Variants in MAML2 observed in about 807,000 individuals in gnomAD.
MAML2 encodes mastermind-like protein 2.
A neutral mutation model predicts 96.1 loss-of-function variants in MAML2; 22 were observed. The observed-to-expected ratio is 0.23, with a 90% confidence interval of 0.16 to 0.33. MAML2 has a LOEUF of 0.33. Ranked by LOEUF, MAML2 falls within the 10% of genes least tolerant of loss-of-function variation. MAML2 has a pLI of 1.00. For synonymous variants in MAML2, 561 were observed against 521.3 expected (o/e 1.08, Z -1.04); for missense variants, 1,367 against 1,392.4 (o/e 0.98, Z 0.29).
chr11:95,985,462 A>G, intron 4 of MAML2, 69 bp downstream of exon 4: 1 of 831,124 alleles, frequency 1.2e-6, no homozygotes, highest in Non-Finnish European at 1.9e-6. Flanking sequence ...AGTTACAGGG[A>G]TTATTGAAAA....
intron 1 of MAML2, among the ~76,000 whole-genome samples, chr11:96,137,860 A>C (rs956625953): frequency 6.6e-6 from 1 of 152,228 alleles, no homozygotes; most frequent in Non-Finnish European, 1.5e-5. Flanking sequence ...ATTTTTTAAC[A>C]ATCTTTTTTA....
rs1050212741 is a variant in MAML2 at position 96,070,473 on chromosome 11, G to A, written c.2139+21419C>T. Among the ~76,000 whole-genome samples, 4 of 152,350 alleles carry A rather than the reference G, an allele frequency of 2.6e-5. No homozygotes were observed. The South Asian group carries it at 8.3e-4, about 32-fold the overall frequency. On this transcript the variant is annotated intron_variant, in intron 2 of 4. Transcript: ENST00000524717. ...CCCTCTTTGGGGTCCTGCGGTGCCT[G>A]TCATCTCCAAGCTTCTGGGCACCAC...
At chr11:96,233,255 C>T (rs2135956325) in intron 1 of MAML2, among the ~76,000 whole-genome samples, 1 of 152,174 alleles carries the variant, frequency 6.6e-6, no homozygotes, top group Admixed American at 6.5e-5. Context: ...TAAATAATTC[C>T]TAGTAAAAGA....
intron 1 of MAML2, among the ~76,000 whole-genome samples, chr11:96,334,395 T>A (rs1350046283): frequency 6.6e-6 from 1 of 152,142 alleles, no homozygotes; most frequent in Non-Finnish European, 1.5e-5. Context: ...TTACTATCAC[T>A]CCATTTCACA....
chr11:96,211,546 T>G (rs1861971799), intron 1 of MAML2, among the ~76,000 whole-genome samples: 1 of 151,478 alleles, frequency 6.6e-6, no homozygotes, highest in African/African-American at 2.4e-5. Context: ...AAAATAAGAA[T>G]GAAATACTGA....
intron 2 of MAML2, among the ~76,000 whole-genome samples, chr11:96,071,112 T>C (rs1362396929): frequency 1.3e-5 from 2 of 152,252 alleles, no homozygotes; most frequent in South Asian, 2.1e-4. Flanking sequence ...GTATTCCTAA[T>C]TTATTTTCAG....
At chr11:96,204,660 T>G (rs1022393039) in intron 1 of MAML2, among the ~76,000 whole-genome samples, 1 of 152,206 alleles carries the variant, frequency 6.6e-6, no homozygotes, top group Admixed American at 6.5e-5. Context: ...TTTTTGTTTT[T>G]GTTTTTTTAA....
chr11:96,199,235 C>T (rs1024150559), intron 1 of MAML2, among the ~76,000 whole-genome samples: 2 of 147,518 alleles, frequency 1.4e-5, no homozygotes, highest in African/African-American at 2.5e-5. Context: ...GAGGGGTAGT[C>T]CTTGTTGCTG....
At chr11:96,260,852 C>T (rs1862739850) in intron 1 of MAML2, among the ~76,000 whole-genome samples, 1 of 151,598 alleles carries the variant, frequency 6.6e-6, no homozygotes, top group South Asian at 2.1e-4. Context: ...AATGAGTAGC[C>T]ATCAACTCTT....
chr11:96,037,206 A>G (rs1565195971), intron 2 of MAML2, among the ~76,000 whole-genome samples: 1 of 146,828 alleles, frequency 6.8e-6, no homozygotes, highest in Non-Finnish European at 1.5e-5. Flanking sequence ...CAACAACAAC[A>G]AAAAAAATAA....
intron 1 of MAML2, among the ~76,000 whole-genome samples, chr11:96,304,864 A>T (rs1863442675): frequency 6.6e-6 from 1 of 152,228 alleles, no homozygotes; most frequent in Non-Finnish European, 1.5e-5. Flanking sequence ...ATGCTATGTT[A>T]TGCTGTTTAT....
chr11:96,193,135 G>A (rs1861679613), intron 1 of MAML2, among the ~76,000 whole-genome samples: 1 of 152,190 alleles, frequency 6.6e-6, no homozygotes, highest in African/African-American at 2.4e-5. Context: ...TTGGGAGGCT[G>A]AGGTGGGCGG....
At chr11:96,199,196 C>CAAAAAA (rs71459791) in intron 1 of MAML2, among the ~76,000 whole-genome samples, 15 of 58,614 alleles carry the variant, frequency 2.6e-4, no homozygotes, top group African/African-American at 8.8e-4. Flanking sequence ...GCCTCCGTCT[C>CAAAAAA]AAAAAAAAAA....
At chr11:96,133,799 AC>A (rs1348204324) in intron 1 of MAML2, among the ~76,000 whole-genome samples, 1 of 151,974 alleles carries the variant, frequency 6.6e-6, no homozygotes, top group Non-Finnish European at 1.5e-5. Context: ...TTTGAGACCA[AC>A]CTGGGCAACA....
At chr11:96,285,329 A>G (rs1863124099) in intron 1 of MAML2, among the ~76,000 whole-genome samples, 1 of 152,212 alleles carries the variant, frequency 6.6e-6, no homozygotes, top group African/African-American at 2.4e-5. Flanking sequence ...AAAAAGTAAG[A>G]TGGATTAAAG....
rs138276475 is a variant in MAML2, at chr11:96,218,136, T to A, written c.513+123247A>T. On this transcript the variant is annotated intron_variant, in intron 1 of 4. Coordinates refer to ENST00000524717, the MANE Select transcript of MAML2 (RefSeq NM_032427.4). The stretch of plus-strand genomic sequence containing the variant: ...TCGAGGTACTTGTACTAATTCCAAG[T>A]TGCTTTGAAAAATGCACTAGAAAAA... Among the ~76,000 whole-genome samples the A allele has an allele frequency of 2.0e-4, 30 of 152,378 alleles. 1 individual carries two copies. The highest frequency in any genetic ancestry group is 1.7e-3 in the Admixed American group (26 of 15,306).
chr11:96,087,414 A>G (rs1463697393), intron 2 of MAML2, among the ~76,000 whole-genome samples: 3 of 152,216 alleles, frequency 2.0e-5, no homozygotes, highest in Non-Finnish European at 4.4e-5. Flanking sequence ...AAATGTAAAC[A>G]TAATGCTCCT....
At chr11:96,166,403 A>G (rs577951892) in intron 1 of MAML2, among the ~76,000 whole-genome samples, 82 of 152,190 alleles carry the variant, frequency 5.4e-4, no homozygotes, top group South Asian at 1.2e-3. Flanking sequence ...GTTAAGTTAA[A>G]TAGTTTTCTT....
intron 1 of MAML2, among the ~76,000 whole-genome samples, chr11:96,132,578 CA>C (rs147528446): frequency 0.064 from 9,731 of 152,184 alleles, 1,034 homozygotes; most frequent in African/African-American, 0.22. Context: ...GGAATCTGTT[CA>C]TGTGTGTTTG....
Sources: gnomAD v4.1 joint callset for allele counts (sites outside exome capture counted in the v4.1 genomes callset) on GRCh38, gnomAD v4.1.1 for gene constraint, MANE v1.5 for transcripts, NCBI Gene and HGNC (gene_info 2026-07-23, HGNC 2026-07-21) for gene names.